Variants in ATIC observed in about 807,000 individuals in gnomAD.
ATIC encodes 5-aminoimidazole-4-carboxamide ribonucleotide formyltransferase/IMP cyclohydrolase, also known as bifunctional purine biosynthesis protein ATIC.
In ATIC, 64 loss-of-function variants were observed where a neutral mutation model predicts 72.5. The ratio of observed to expected loss-of-function variants is 0.88; its 90% CI spans 0.72 to 1.09. ATIC has a LOEUF of 1.09. Ranked by LOEUF, ATIC falls within the 50% of genes least tolerant of loss-of-function variation. The pLI is 0.00. For missense variants in ATIC, 787 were observed against 732.4 expected (o/e 1.07, Z -0.86); for synonymous variants, 281 against 267.1 (o/e 1.05, Z -0.51).
At position 215,333,239 on chromosome 2, in the gene ATIC, A is replaced by G. The variant is rs181312746; in HGVS notation, c.815-111A>G. On this transcript the variant is annotated intron_variant, in intron 8 of 15. Transcript: ENST00000236959. The stretch of plus-strand genomic sequence containing the variant: ...GATTTCTGTTTAATTTAGCACAGGC[A>G]CTAGAAAATGTGCTGCGTAGACTGG... The G allele has an allele frequency of 1.8e-3, 1,541 of 843,650 alleles. 15 individuals are homozygous for G. In the African/African-American group the frequency reaches 0.023, roughly 13 times the overall value. The allele number at this position is 843,650 out of a possible 1,614,324, so 52.3% of individuals were successfully genotyped here. A position where few individuals can be genotyped will look rare whatever the true frequency, so the allele number is the denominator to read the frequency against.
At chr2:215,338,935 G>T in intron 12 of ATIC, 28 bp downstream of exon 12, 1 of 1,611,054 alleles carries the variant, frequency 6.2e-7, no homozygotes. Context: ...TGAACTGACT[G>T]CTAGTAACTT....
intron 7 of ATIC, among the ~76,000 whole-genome samples, chr2:215,329,424 T>C (rs1318679586): frequency 6.6e-6 from 1 of 152,252 alleles, no homozygotes. Context: ...TAAGCGTTTC[T>C]TGTGCGAGAT....
chr2:215,341,263 G>T (rs2053015780), intron 12 of ATIC, among the ~76,000 whole-genome samples: 1 of 152,136 alleles, frequency 6.6e-6, no homozygotes, highest in Non-Finnish European at 1.5e-5. Context: ...ATCCACTCTG[G>T]TTGGTTCATG....
Position 215,338,866 on chromosome 2 carries a change from G to T in ATIC, c.1186G>T (p.Asp396Tyr). The T allele has an allele frequency of 1.2e-6, 2 of 1,613,632 alleles. No homozygotes were observed. The highest frequency in any genetic ancestry group is 2.2e-5 in the South Asian group (2 of 91,034). Reference sequence around the variant, plus strand: ...CCAGAAGAGAAATAATGGTGTCGTCGACAAGTCATTATTTAGCAATGTTGT... The same window carrying T: ...CCAGAAGAGAAATAATGGTGTCGTCTACAAGTCATTATTTAGCAATGTTGT... Reference protein sequence around the residue: ...LSQKRNNGVVDKSLFSNVVTK... With the variant: ...LSQKRNNGVVYKSLFSNVVTK... The change falls in exon 12 of 16, where the codon GAC (aspartate) becomes TAC (tyrosine). Residue 396 changes from aspartate to tyrosine, a missense_variant. Asp to Tyr is a radical substitution (Grantham distance 160). Transcript: ENST00000236959.
chr2:215,362,059 G>A, the ATIC span: 1 of 1,614,052 alleles, frequency 6.2e-7, no homozygotes, highest in Non-Finnish European at 8.5e-7. Context: ...CAGGTCTGCG[G>A]CAGTTGTCAC....
intron 12 of ATIC, among the ~76,000 whole-genome samples, chr2:215,342,553 G>T (rs6435900): frequency 0.9 from 135,992 of 151,900 alleles, 61,072 homozygotes; most frequent in East Asian, 1. Flanking sequence ...TTCTTCTGTA[G>T]CCGGGCTCAC....
intron 14 of ATIC, 122 bp from the exon 15 acceptor site, chr2:215,348,971 AT>A (rs1343012829): frequency 1.2e-6 from 1 of 819,308 alleles, no homozygotes; most frequent in Non-Finnish European, 1.7e-6. Context: ...AAAAAAAATA[AT>A]AATAATAATA....
At chr2:215,315,702 G>T (rs2052700510) in intron 2 of ATIC, among the ~76,000 whole-genome samples, 1 of 152,120 alleles carries the variant, frequency 6.6e-6, no homozygotes, top group Admixed American at 6.5e-5. Flanking sequence ...TGTAATCCCA[G>T]CACTTTGGGA....
chr2:215,326,024 C>T lies in ATIC; in HGVS notation c.417C>T (p.His139=), dbSNP rs775773173. The change falls in exon 6 of 16, where the codon CAC becomes CAT. Residue 139 remains histidine (H), a synonymous_variant. Coordinates refer to ENST00000236959, the MANE Select transcript of ATIC (RefSeq NM_004044.7). ...TACTGAGAGCTGCAGCCAAAAACCA[C>T]GCTCGAGTGACAGTGGTGTGTGAAC... ...VTLLRAAAKN[H]ARVTVVCEPE... is the part of the protein sequence containing the mutation. 23 of 1,614,050 alleles carry T rather than the reference C, an allele frequency of 1.4e-5. No individual in the cohort carries two copies. The highest frequency in any genetic ancestry group is 7.7e-5 in the South Asian group (7 of 91,084).
At chr2:215,327,298 T>A (rs1443708372) in intron 7 of ATIC, among the ~76,000 whole-genome samples, 1 of 152,166 alleles carries the variant, frequency 6.6e-6, no homozygotes. Context: ...GGGTAAAGGC[T>A]TGGTAGGTGT....
downstream of ATIC, among the ~76,000 whole-genome samples, chr2:215,354,407 G>T (rs1309254832): frequency 6.6e-6 from 1 of 152,068 alleles, no homozygotes; most frequent in African/African-American, 2.4e-5. Context: ...ATTTCCCTTT[G>T]TTGGCACTCT....
At chr2:215,327,239 A>G (rs2052839367) in intron 7 of ATIC, among the ~76,000 whole-genome samples, 2 of 152,344 alleles carry the variant, frequency 1.3e-5, no homozygotes, top group South Asian at 4.1e-4. Context: ...GACATGAGAC[A>G]GGATGGGATG....
At chr2:215,324,032 G>C (rs985676434) in intron 4 of ATIC, among the ~76,000 whole-genome samples, 8 of 152,202 alleles carry the variant, frequency 5.3e-5, no homozygotes, top group African/African-American at 1.9e-4. Flanking sequence ...AAAGTGCTGG[G>C]ATTGCAGGCG....
chr2:215,315,181 T>A (rs1353790017), intron 2 of ATIC, among the ~76,000 whole-genome samples: 1 of 152,218 alleles, frequency 6.6e-6, no homozygotes, highest in Non-Finnish European at 1.5e-5. Context: ...AGGATTTCTT[T>A]ACGTCCAGCT....
At chr2:215,337,924 C>G (rs1166495162) in intron 11 of ATIC, among the ~76,000 whole-genome samples, 1 of 152,196 alleles carries the variant, frequency 6.6e-6, no homozygotes, top group Admixed American at 6.5e-5. Flanking sequence ...TATCCCTCTA[C>G]CTGACTAATG....
rs192758494 is a variant in ATIC at position 215,323,685 on chromosome 2, A to T, written c.291-1556A>T. Among the ~76,000 whole-genome samples, 18 of 152,294 alleles carry T rather than the reference A, an allele frequency of 1.2e-4. No individual in the cohort carries two copies. In the East Asian group the frequency reaches 1.4e-3, roughly 11 times the overall value. ...CTTCACTGCTTTCTTTCCAGTCCTG[A>T]TGCCTTTTATTTTCTTTTCTTTGCT... On this transcript the variant is annotated intron_variant, in intron 4 of 15. Transcript: ENST00000236959.
At chr2:215,327,800 C>T (rs1258590709) in intron 7 of ATIC, among the ~76,000 whole-genome samples, 10 of 151,818 alleles carry the variant, frequency 6.6e-5, no homozygotes, top group South Asian at 2.1e-4. Context: ...GCTGAGAGAG[C>T]GATGGGGGAG....
At chr2:215,362,728 C>T in the ATIC span, 1 of 153,838 alleles carries the variant, frequency 6.5e-6, no homozygotes, top group Non-Finnish European at 1.4e-5. Context: ...GAGGCTCCTG[C>T]CTGAAGTTTT....
chr2:215,346,597 C>G (rs2106042562), intron 13 of ATIC, among the ~76,000 whole-genome samples, 162 bp from the exon 14 acceptor site: 1 of 152,166 alleles, frequency 6.6e-6, no homozygotes, highest in Non-Finnish European at 1.5e-5. Context: ...TCTTACTCCA[C>G]CCCTTTTAAT....
Sources: gnomAD v4.1 joint callset for allele counts (sites outside exome capture counted in the v4.1 genomes callset) on GRCh38, gnomAD v4.1.1 for gene constraint, MANE v1.5 for transcripts, NCBI Gene and HGNC (gene_info 2026-07-23, HGNC 2026-07-21) for gene names.